Variants in NTNG2 observed in about 807,000 individuals in gnomAD.
NTNG2 encodes the protein netrin G2, also known as netrin-G2.
In NTNG2, 15 loss-of-function variants were observed where a neutral mutation model predicts 47.6. That is an observed-to-expected ratio of 0.32 (90% CI 0.21 to 0.49). The LOEUF (loss-of-function observed/expected upper bound fraction) is 0.49, where lower values mean the gene tolerates loss of function less well. Ranked by LOEUF, NTNG2 falls within the 20% of genes least tolerant of loss-of-function variation. NTNG2 has a pLI of 0.99. For synonymous variants in NTNG2, 307 were observed against 324.6 expected, an observed-to-expected ratio of 0.95 and a Z score of 0.58; for missense variants, 578 against 764.6, an observed-to-expected ratio of 0.76 and a Z score of 2.88.
intron 3 of NTNG2, among the ~76,000 whole-genome samples, chr9:132,213,404 G>A (rs1839749657): frequency 6.6e-6 from 1 of 150,552 alleles, no homozygotes; most frequent in Admixed American, 6.6e-5. Context: ...CCAACCTTGA[G>A]GCCGTCCATC....
At position 132,163,539 on chromosome 9, in the gene NTNG2, G is replaced by A. The variant is rs1375015834; in HGVS notation, c.-484+1300G>A. Among the ~76,000 whole-genome samples, 1 of 152,108 alleles carries A rather than the reference G, an allele frequency of 6.6e-6. No individual in the cohort carries two copies. The highest frequency in any genetic ancestry group is 2.4e-5 in the African/African-American group (1 of 41,430). On this transcript the variant is annotated intron_variant, in intron 1 of 7. Coordinates refer to ENST00000393229, the MANE Select transcript of NTNG2 (RefSeq NM_032536.4). The surrounding 1 kb of genome is among the most constrained non-coding windows in gnomAD (Gnocchi z 7.2). ...GCCGGCCAAGCTCCCTTTCCCTCCCGGCAACCGCCACTCTCCCCTGAAAGC... is the reference window on the plus strand; with the variant it reads ...GCCGGCCAAGCTCCCTTTCCCTCCCAGCAACCGCCACTCTCCCCTGAAAGC...
chr9:132,229,004 C>A (rs1221158544), intron 4 of NTNG2, among the ~76,000 whole-genome samples: 2 of 152,080 alleles, frequency 1.3e-5, no homozygotes, highest in Non-Finnish European at 2.9e-5. Flanking sequence ...GTCTAGCCAG[C>A]GATGGATAGA....
chr9:132,179,354 A>G (rs933870738), intron 2 of NTNG2, among the ~76,000 whole-genome samples: 1 of 152,058 alleles, frequency 6.6e-6, no homozygotes, highest in African/African-American at 2.4e-5. Context: ...ACTACTGGTG[A>G]CTGGCATGGC....
chr9:132,198,134 A>T lies in NTNG2; in HGVS notation c.382A>T (p.Asn128Tyr). Residue 128 changes from asparagine to tyrosine, a missense_variant, in exon 3 of 8, where the codon AAC (asparagine) becomes TAC (tyrosine). Physicochemically the swap from Asn to Tyr is moderately radical, Grantham distance 143. Transcript: ENST00000393229. Reference sequence around the variant, plus strand: ...GGAAGCCAACATCACCCTTTCGTGGAACAAGACCGTGGAGCTGACCGACGA... The same window carrying T: ...GGAAGCCAACATCACCCTTTCGTGGTACAAGACCGTGGAGCTGACCGACGA... ...PLEANITLSW[N>Y]KTVELTDDVV... 1 of 1,613,824 alleles carries T rather than the reference A, an allele frequency of 6.2e-7. No individual in the cohort carries two copies.
At position 132,198,295 on chromosome 9, in the gene NTNG2, G is replaced by T. The variant is rs1323511745; in HGVS notation, c.543G>T (p.Arg181=). 8.1e-6 allele frequency: 13 copies of T among 1,612,868 alleles called. No homozygotes were observed. In the African/African-American group the frequency reaches 1.3e-4, roughly 17 times the overall value. The change falls in exon 3 of 8, where the codon CGG becomes CGT. Residue 181 remains arginine, a synonymous_variant. Transcript: ENST00000393229. ...AGGCCTTCGGTATGTCCGCCCGCCG[G>T]GCCCGCGACATGTCATCCTCCAGCG... ...CMEAFGMSAR[R]ARDMSSSSAH...
intron 5 of NTNG2, among the ~76,000 whole-genome samples, chr9:132,234,647 G>GGC (rs1302305529): frequency 3.3e-5 from 5 of 152,166 alleles, no homozygotes; most frequent in African/African-American, 1.2e-4. Context: ...CAGCGCTGCG[G>GGC]GCGGAAAACG....
chr9:132,174,087 TAGGC>T (rs1174644080), intron 2 of NTNG2, among the ~76,000 whole-genome samples: 3 of 36,450 alleles, frequency 8.2e-5, no homozygotes, highest in Admixed American at 5.8e-4. Flanking sequence ...GACGGACAGA[TAGGC>T]AGGCCGCACC....
chr9:132,181,973 T>C (rs1836980805), intron 2 of NTNG2, among the ~76,000 whole-genome samples: 1 of 152,120 alleles, frequency 6.6e-6, no homozygotes, highest in African/African-American at 2.4e-5. Flanking sequence ...TGTGTGTGTG[T>C]GCGTGCGTGC....
rs943325157 is a variant in NTNG2, at chr9:132,162,905, TG to T, written c.-484+672del. On this transcript the variant is annotated intron_variant, in intron 1 of 7. Coordinates refer to ENST00000393229, the MANE Select transcript of NTNG2 (RefSeq NM_032536.4). This position sits in a 1 kb window ranked among gnomAD's most constrained non-coding sequence, Gnocchi z 4.6. ...AACCTGGAACTGAGCGGCGCGCAGGTGGGGGGAGCAGAGGCGGCGGGAAGGC... is the reference window on the plus strand; with the variant it reads ...AACCTGGAACTGAGCGGCGCGCAGGTGGGGGAGCAGAGGCGGCGGGAAGGC... Among the ~76,000 whole-genome samples, 1 of 149,852 alleles carries T rather than the reference TG, an allele frequency of 6.7e-6. No individual in the cohort carries two copies. The highest frequency in any genetic ancestry group is 1.5e-5 in the Non-Finnish European group (1 of 67,448).
upstream of NTNG2, chr9:132,161,940 G>T: frequency 6.6e-6 from 1 of 150,860 alleles, no homozygotes; most frequent in South Asian, 1.9e-4. The surrounding 1 kb of genome is among the most constrained non-coding windows in gnomAD (Gnocchi z 7.2). Flanking sequence ...TGTTAGCGGC[G>T]ACCTCCCGCT....
Position 132,162,567 on chromosome 9 carries a change from AGAGTGTGTGTGTGTGTGT to A in NTNG2, c.-484+330_-484+347del, listed in dbSNP as rs1199687112. On this transcript the variant is annotated intron_variant, in intron 1 of 7. Transcript: ENST00000393229. The surrounding 1 kb of genome is among the most constrained non-coding windows in gnomAD (Gnocchi z 4.6). ...GTGTGTGTGTGTGTGAGAGAGAGAC[AGAGTGTGTGTGTGTGTGT>A]GTGTGTGTGTGTGTGTGTGTGTGTG... is the stretch of plus-strand genomic sequence containing the variant. 1.1e-3 allele frequency among the ~76,000 whole-genome samples: 111 copies of A among 101,774 alleles called. No individual in the cohort carries two copies. Among genetic ancestry groups the A allele is most frequent in the African/African-American group, 3.8e-3 (105 of 27,506 alleles). The allele number at this position is 101,774 out of a possible 152,430, so 66.8% of individuals were successfully genotyped here.
Position 132,208,728 on chromosome 9 carries a change from T to TA in NTNG2, c.857+10120dup, listed in dbSNP as rs1310001698. 2.2e-4 allele frequency among the ~76,000 whole-genome samples: 34 copies of TA among 151,874 alleles called. No individual in the cohort carries two copies. In the South Asian group the frequency reaches 3.7e-3, roughly 17 times the overall value. On this transcript the variant is annotated intron_variant, in intron 3 of 7. Transcript: ENST00000393229. This position sits in a 1 kb window ranked among gnomAD's most constrained non-coding sequence, Gnocchi z 4.0. Reference sequence around the variant, plus strand: ...ATTTTCTGGAGGGGAATTTTTTTTTTATTTCTTAATTTTTTATTTTTATAT... The same window carrying TA: ...ATTTTCTGGAGGGGAATTTTTTTTTTAATTTCTTAATTTTTTATTTTTATAT...
intron 3 of NTNG2, among the ~76,000 whole-genome samples, chr9:132,212,679 C>T (rs979395511): frequency 1.4e-4 from 21 of 152,108 alleles, no homozygotes; most frequent in African/African-American, 5.1e-4. Flanking sequence ...CCAAACAGTC[C>T]CAAGTTCTCC....
intron 3 of NTNG2, among the ~76,000 whole-genome samples, chr9:132,216,414 C>CTCTCTCTCTCTCTGTGTGTGTGTG (rs1554790515): frequency 9.1e-6 from 1 of 110,288 alleles, no homozygotes; most frequent in African/African-American, 4.9e-5. Context: ...CTCTCTCTCT[C>CTCTCTCTCTCTCTGTGTGTGTGTG]TGTGTGTGTG....
At chr9:132,207,842 G>A (rs886865689) in intron 3 of NTNG2, among the ~76,000 whole-genome samples, 1 of 152,206 alleles carries the variant, frequency 6.6e-6, no homozygotes, top group African/African-American at 2.4e-5. Context: ...GGTGGCTCAC[G>A]CCTGTAACCC....
At chr9:132,217,551 C>T (rs1443410596) in intron 3 of NTNG2, among the ~76,000 whole-genome samples, 2 of 152,194 alleles carry the variant, frequency 1.3e-5, no homozygotes, top group South Asian at 4.1e-4. Flanking sequence ...TCATAGTATA[C>T]TCTGCATAAG....
At position 132,163,487 on chromosome 9, in the gene NTNG2, C is replaced by T. The variant is rs1189948877; in HGVS notation, c.-484+1248C>T. Reference sequence around the variant, plus strand: ...CGCGGGGCGCCCGCTGGACCCCGCCCGGGGCAGAGGACGGGAAGGTGACCC... The same window carrying T: ...CGCGGGGCGCCCGCTGGACCCCGCCTGGGGCAGAGGACGGGAAGGTGACCC... On this transcript the variant is annotated intron_variant, in intron 1 of 7. Coordinates refer to ENST00000393229, the MANE Select transcript of NTNG2 (RefSeq NM_032536.4). This position sits in a 1 kb window ranked among gnomAD's most constrained non-coding sequence, Gnocchi z 7.2. Among the ~76,000 whole-genome samples the T allele has an allele frequency of 2.0e-5, 3 of 152,040 alleles. No homozygotes were observed. Among genetic ancestry groups the T allele is most frequent in the African/African-American group, 7.2e-5 (3 of 41,412 alleles).
In NTNG2 at chr9:132,197,879, G is replaced by A. The variant is rs772589066; in HGVS notation, c.214-87G>A. 30 of 1,323,600 alleles carry A rather than the reference G, an allele frequency of 2.3e-5. No homozygotes were observed. The highest frequency in any genetic ancestry group is 3.0e-5 in the Non-Finnish European group (29 of 974,278). The allele number at this position is 1,323,600 out of a possible 1,614,324, so 82.0% of individuals were successfully genotyped here. A position where few individuals can be genotyped will look rare whatever the true frequency, so the allele number is the denominator to read the frequency against. On this transcript the variant is annotated intron_variant, in intron 2 of 7. Coordinates refer to ENST00000393229, the MANE Select transcript of NTNG2 (RefSeq NM_032536.4). The surrounding 1 kb of genome is among the most constrained non-coding windows in gnomAD (Gnocchi z 4.3). ...AGCCACAGAGCAGGTTTCTCGGTTCGCAGGCAGGGGCTAGGCCGCGCAGAG... is the reference window on the plus strand; with the variant it reads ...AGCCACAGAGCAGGTTTCTCGGTTCACAGGCAGGGGCTAGGCCGCGCAGAG...
At chr9:132,227,238 C>T (rs550424268) in intron 4 of NTNG2, among the ~76,000 whole-genome samples, 3 of 152,362 alleles carry the variant, frequency 2.0e-5, no homozygotes, top group South Asian at 2.1e-4. Flanking sequence ...CAGAAACACA[C>T]GTGCGTGCAT....
Sources: allele counts gnomAD v4.1 joint callset (sites outside exome capture counted in the v4.1 genomes callset), GRCh38; gene constraint gnomAD v4.1.1; non-coding constraint Gnocchi (gnomAD v3.1); transcripts MANE v1.5; gene names NCBI Gene and HGNC (gene_info 2026-07-23, HGNC 2026-07-21).